The following GABRG3 variants were observed in gnomAD, a reference collection of about 807,000 sequenced individuals.
The protein encoded by GABRG3 is gamma-aminobutyric acid receptor subunit gamma-3.
Under a neutral mutation model 48.8 loss-of-function variants are expected in GABRG3, and 25 were observed. The observed-to-expected ratio is 0.51, with a 90% CI of 0.37 to 0.72. GABRG3 has a LOEUF of 0.72. GABRG3 is among the 30% of genes least tolerant of loss of function. The pLI is 0.00. For synonymous variants in GABRG3, 227 were observed against 217.6 expected (o/e 1.04, Z -0.38); for missense variants, 394 against 577.9 (o/e 0.68, Z 3.26).
At chr15:27,282,886 C>A (rs1891483664) in intron 3 of GABRG3, among the ~76,000 whole-genome samples, 1 of 152,104 alleles carries the variant, frequency 6.6e-6, no homozygotes, top group Non-Finnish European at 1.5e-5. Flanking sequence ...GGTGGACACC[C>A]CCCCAGCCTC....
In GABRG3 at chr15:27,052,059, T is replaced by C. The variant is rs111749369; in HGVS notation, c.270+25238T>C. Among the ~76,000 whole-genome samples, 83 of 152,188 alleles carry C rather than the reference T, an allele frequency of 5.5e-4. 3 individuals are homozygous for C. The highest frequency in any genetic ancestry group is 1.3e-4 in the Non-Finnish European group (9 of 68,032). ...TAAATACAGATGAAGCTTCTCTTGC[T>C]CGCCCGCCTCTCACCTCCTGCTGTG... On this transcript the variant is annotated intron_variant, in intron 3 of 9. Transcript: ENST00000615808.
chr15:27,527,407 C>G, intron 7 of GABRG3, 26 bp from the exon 8 acceptor site: 1 of 1,604,154 alleles, frequency 6.2e-7, no homozygotes, highest in Non-Finnish European at 8.5e-7. Context: ...CACCCTTTTA[C>G]AACATGCTAC....
intron 2 of GABRG3, among the ~76,000 whole-genome samples, chr15:26,996,236 G>T (rs1232606767): frequency 6.6e-6 from 1 of 151,598 alleles, no homozygotes; most frequent in East Asian, 1.9e-4. Context: ...TTGGATTTTT[G>T]TTTGTGGTCA....
At chr15:27,218,040 C>T (rs150110941) in intron 3 of GABRG3, among the ~76,000 whole-genome samples, 3 of 152,220 alleles carry the variant, frequency 2.0e-5, no homozygotes, top group South Asian at 2.1e-4. Flanking sequence ...GGGAGCTTCC[C>T]GCGCTGTCTC....
intron 3 of GABRG3, among the ~76,000 whole-genome samples, chr15:27,136,608 T>C (rs1187911929): frequency 3.9e-5 from 6 of 152,136 alleles, no homozygotes; most frequent in African/African-American, 1.4e-4. Flanking sequence ...CGTAATGTGA[T>C]CATAGGGCAG....
rs148450282 is a variant in GABRG3, at chr15:27,001,607, G to A, written c.202+24457G>A. Among the ~76,000 whole-genome samples, 48 of 152,348 alleles carry A rather than the reference G, an allele frequency of 3.2e-4. No homozygotes were observed. In the East Asian group the frequency reaches 8.5e-3, roughly 27 times the overall value. ...CTTGCTTTAGCTATGGTTTCACTGGGATACTCTTTATTAGGTCGTGTTTGT... is the reference window on the plus strand; with the variant it reads ...CTTGCTTTAGCTATGGTTTCACTGGAATACTCTTTATTAGGTCGTGTTTGT... On this transcript the variant is annotated intron_variant, in intron 2 of 9. Transcript: ENST00000615808.
rs1053685207 is a variant in GABRG3, at chr15:27,236,704, G to A, written c.271-90105G>A. On this transcript the variant is annotated intron_variant, in intron 3 of 9. Transcript: ENST00000615808. The surrounding 1 kb of genome is among the most constrained non-coding windows in gnomAD (Gnocchi z 4.4). The stretch of plus-strand genomic sequence containing the variant: ...CAGCCTAGGGAGGATGCACAGTGAG[G>A]GTTTCTTGTCCTCTGCTTCACCGTT... Among the ~76,000 whole-genome samples the A allele has an allele frequency of 2.0e-5, 3 of 152,070 alleles. No homozygotes were observed. Among genetic ancestry groups the A allele is most frequent in the Non-Finnish European group, 4.4e-5 (3 of 68,026 alleles).
At chr15:27,156,707 CAA>C (rs1379136359) in intron 3 of GABRG3, among the ~76,000 whole-genome samples, 1 of 152,138 alleles carries the variant, frequency 6.6e-6, no homozygotes, top group African/African-American at 2.4e-5. Flanking sequence ...GTTTTCTTGA[CAA>C]GAGAAATTTT....
chr15:27,145,343 AAT>A (rs1343402933), intron 3 of GABRG3, among the ~76,000 whole-genome samples: 1 of 152,124 alleles, frequency 6.6e-6, no homozygotes, highest in Middle Eastern at 3.2e-3. Context: ...GTAAAAAAAA[AAT>A]AGAGCATATA....
rs1487515884 is a variant in GABRG3, at chr15:27,040,254, C to A, written c.270+13433C>A. On this transcript the variant is annotated intron_variant, in intron 3 of 9. Coordinates refer to ENST00000615808, the MANE Select transcript of GABRG3 (RefSeq NM_033223.5). The stretch of plus-strand genomic sequence containing the variant: ...TCCACAGAAACCAATCTGACTGTAA[C>A]TTCTTTGTCCCTTGAAGAGCCCTTG... Among the ~76,000 whole-genome samples, 5 of 152,240 alleles carry A rather than the reference C, an allele frequency of 3.3e-5. No homozygotes were observed. The East Asian group carries it at 9.6e-4, about 29-fold the overall frequency.
intron 5 of GABRG3, among the ~76,000 whole-genome samples, chr15:27,404,637 C>T (rs1054217886): frequency 1.3e-5 from 2 of 152,112 alleles, no homozygotes; most frequent in Admixed American, 6.5e-5. Flanking sequence ...TAGCAGTGGG[C>T]GTTCTCTACT....
chr15:27,440,553 G>A (rs1888753534), intron 5 of GABRG3, among the ~76,000 whole-genome samples: 1 of 152,172 alleles, frequency 6.6e-6, no homozygotes, highest in Non-Finnish European at 1.5e-5. Flanking sequence ...AACATTCATA[G>A]GCCTGTGTGA....
intron 3 of GABRG3, among the ~76,000 whole-genome samples, chr15:27,191,494 CT>C (rs1888303453): frequency 6.6e-6 from 1 of 152,158 alleles, no homozygotes; most frequent in African/African-American, 2.4e-5. Context: ...TTCTTTGTCT[CT>C]TTTGATCTTT....
rs1031853824 is a variant in GABRG3, at chr15:27,352,809, C to T, written c.574+23921C>T. Among the ~76,000 whole-genome samples, 3 of 152,070 alleles carry T rather than the reference C, an allele frequency of 2.0e-5. No homozygotes were observed. Among genetic ancestry groups the T allele is most frequent in the African/African-American group, 7.2e-5 (3 of 41,392 alleles). ...GCAAGGTGGAGGGTGCAATATGGGG[C>T]CCAGGTATAGCAACACCTAACTCAT... On this transcript the variant is annotated intron_variant, in intron 5 of 9. Coordinates refer to ENST00000615808, the MANE Select transcript of GABRG3 (RefSeq NM_033223.5). This position sits in a 1 kb window ranked among gnomAD's most constrained non-coding sequence, Gnocchi z 4.0.
intron 5 of GABRG3, among the ~76,000 whole-genome samples, chr15:27,353,711 G>A (rs1388971597): frequency 6.6e-6 from 1 of 152,088 alleles, no homozygotes; most frequent in Non-Finnish European, 1.5e-5. Context: ...TCAAAGTGCT[G>A]GGATTACAGG....
chr15:27,262,954 T>C (rs573934247), intron 3 of GABRG3, among the ~76,000 whole-genome samples: 27 of 152,360 alleles, frequency 1.8e-4, no homozygotes, highest in African/African-American at 6.5e-4. Flanking sequence ...GATTACTATA[T>C]TGATTTGGCA....
chr15:27,282,044 T>C (rs759347615), intron 3 of GABRG3, among the ~76,000 whole-genome samples: 1 of 152,196 alleles, frequency 6.6e-6, no homozygotes, highest in Non-Finnish European at 1.5e-5. Context: ...TTGGAAATGC[T>C]ATACCTTTTC....
intron 3 of GABRG3, among the ~76,000 whole-genome samples, chr15:27,261,386 A>G (rs909732635): frequency 6.6e-6 from 1 of 151,860 alleles, no homozygotes; most frequent in Non-Finnish European, 1.5e-5. Flanking sequence ...AGGACTGGAA[A>G]GAATGGAAAG....
At chr15:27,060,278 T>A (rs1896622448) in intron 3 of GABRG3, among the ~76,000 whole-genome samples, 1 of 152,240 alleles carries the variant, frequency 6.6e-6, no homozygotes, top group African/African-American at 2.4e-5. Context: ...CCTATTTGAA[T>A]GCAGCCCACT....
Sources: allele counts gnomAD v4.1 joint callset (sites outside exome capture counted in the v4.1 genomes callset), GRCh38; gene constraint gnomAD v4.1.1; non-coding constraint Gnocchi (gnomAD v3.1); transcripts MANE v1.5; gene names NCBI Gene and HGNC (gene_info 2026-07-23, HGNC 2026-07-21).